ASH1L: variants seen among roughly 807,000 people sequenced by gnomAD.
ASH1L encodes ASH1 like histone lysine methyltransferase.
In ASH1L, 23 loss-of-function variants were observed where a neutral mutation model predicts 269.0. That is an observed-to-expected ratio of 0.09 (90% confidence interval 0.06 to 0.12). ASH1L has a LOEUF of 0.12. Ranked by LOEUF, ASH1L falls within the 10% of genes least tolerant of loss-of-function variation. The pLI is 1.00. For synonymous variants in ASH1L, 1,187 were observed against 1,253.5 expected (o/e 0.95, Z 1.12); for missense variants, 2,912 against 3,567.8 (o/e 0.82, Z 4.68).
At chr1:155,520,679 A>G (rs980432875) in intron 2 of ASH1L, among the ~76,000 whole-genome samples, 12 of 151,846 alleles carry the variant, frequency 7.9e-5, no homozygotes, top group Non-Finnish European at 1.8e-4. Context: ...CCTGGCCAAC[A>G]TGGTGAAACC....
intron 2 of ASH1L, among the ~76,000 whole-genome samples, chr1:155,515,549 C>T (rs944641589): frequency 3.3e-5 from 5 of 151,920 alleles, no homozygotes; most frequent in South Asian, 4.1e-4. Flanking sequence ...GGTCAATGGC[C>T]GGACACAGGG....
At chr1:155,556,777 G>A (rs1272002778) in intron 1 of ASH1L, among the ~76,000 whole-genome samples, 1 of 152,000 alleles carries the variant, frequency 6.6e-6, no homozygotes, top group Non-Finnish European at 1.5e-5. Flanking sequence ...GCCCAGGTGT[G>A]GTAGCTCATG....
intron 20 of ASH1L, among the ~76,000 whole-genome samples, chr1:155,347,004 G>C (rs1040965528): frequency 1.3e-5 from 2 of 152,206 alleles, no homozygotes; most frequent in African/African-American, 4.8e-5. Flanking sequence ...AATTAATAGA[G>C]TGTATTATCA....
At chr1:155,514,162 A>G (rs1391599714) in intron 2 of ASH1L, among the ~76,000 whole-genome samples, 1 of 152,232 alleles carries the variant, frequency 6.6e-6, no homozygotes, top group East Asian at 1.9e-4. Flanking sequence ...TGAAGAGTTA[A>G]TAGAGTGTCA....
Position 155,378,555 on chromosome 1 carries a change from GA to G in ASH1L, c.6178-8del. 6.2e-7 allele frequency: 1 copy of G among 1,605,190 alleles called. No homozygotes were observed. The highest frequency in any genetic ancestry group is 1.1e-5 in the South Asian group (1 of 89,436). The stretch of plus-strand genomic sequence containing the variant: ...CATCTGGCTTTTTGTATAGCTAGAA[GA>G]AAAGAAGAAAAATCTTGATATAGCA... On this transcript the variant is annotated splice_polypyrimidine_tract_variant and splice_region_variant and intron_variant, in intron 8 of 27. Coordinates refer to ENST00000392403, the MANE Select transcript of ASH1L (RefSeq NM_018489.3).
At chr1:155,348,945 C>CACAT (rs1396404437) in intron 19 of ASH1L, among the ~76,000 whole-genome samples, 16 of 147,108 alleles carry the variant, frequency 1.1e-4, no homozygotes, top group African/African-American at 3.8e-4. Flanking sequence ...CACACACACA[C>CACAT]ATATAAACAT....
chr1:155,396,155 T>A (rs1333509440), intron 6 of ASH1L: 2 of 152,070 alleles, frequency 1.3e-5, no homozygotes, highest in African/African-American at 4.8e-5. Flanking sequence ...ATTATTGGTT[T>A]GTTTCCTAAA....
At chr1:155,495,635 A>G (rs1005313452) in intron 2 of ASH1L, among the ~76,000 whole-genome samples, 2 of 152,190 alleles carry the variant, frequency 1.3e-5, no homozygotes, top group South Asian at 4.1e-4. Flanking sequence ...ACTGTACACT[A>G]CTGTTGACTT....
chr1:155,377,866 A>G (rs1656595165), intron 10 of ASH1L, among the ~76,000 whole-genome samples: 1 of 151,642 alleles, frequency 6.6e-6, no homozygotes. Flanking sequence ...CTAAAAATAC[A>G]AAAAAAATTA....
In ASH1L at chr1:155,336,373, A is replaced by C. The variant is rs1228394318; in HGVS notation, c.*1287T>G. 6.6e-6 allele frequency: 1 copy of C among 151,982 alleles called. No homozygotes were observed. The highest frequency in any genetic ancestry group is 2.4e-5 in the African/African-American group (1 of 41,206). The allele number at this position is 151,982 out of a possible 1,614,324, so 9.4% of individuals were successfully genotyped here. A position where few individuals can be genotyped will look rare whatever the true frequency, so the allele number is the denominator to read the frequency against. ...TGTGTATATATATACACACACACATATATATATACACACACATACACACAT... is the reference window on the plus strand; with the variant it reads ...TGTGTATATATATACACACACACATCTATATATACACACACATACACACAT... On this transcript the variant is annotated 3_prime_UTR_variant, in exon 28 of 28. Transcript: ENST00000392403.
rs566651873 is a variant in ASH1L at position 155,377,938 on chromosome 1, G to T, written c.6332+343C>A. On this transcript the variant is annotated intron_variant, in intron 10 of 27. Coordinates refer to ENST00000392403, the MANE Select transcript of ASH1L (RefSeq NM_018489.3). Reference sequence around the variant, plus strand: ...CCAGGGAGGCTGAGGCAGGAGAATGGTGTGAACCCGGGAGGCGGAGCTTGC... The same window carrying T: ...CCAGGGAGGCTGAGGCAGGAGAATGTTGTGAACCCGGGAGGCGGAGCTTGC... Among the ~76,000 whole-genome samples, 16 of 152,046 alleles carry T rather than the reference G, an allele frequency of 1.1e-4. No homozygotes were observed. The East Asian group carries it at 3.1e-3, about 30-fold the overall frequency.
intron 6 of ASH1L, among the ~76,000 whole-genome samples, chr1:155,412,837 A>T (rs1234622465): frequency 6.6e-6 from 1 of 151,364 alleles, no homozygotes; most frequent in African/African-American, 2.4e-5. Flanking sequence ...GCTGCTGCCT[A>T]TTGCTTGGTG....
intron 2 of ASH1L, among the ~76,000 whole-genome samples, chr1:155,518,623 C>T (rs2148834761): frequency 7.8e-6 from 1 of 128,780 alleles, no homozygotes; most frequent in Admixed American, 9.5e-5. Context: ...AATTGTTCAA[C>T]ATCATTAGTT....
At chr1:155,428,442 CAAA>C (rs35203262) in intron 5 of ASH1L, among the ~76,000 whole-genome samples, 1 of 145,822 alleles carries the variant, frequency 6.9e-6, no homozygotes, top group African/African-American at 2.6e-5. Flanking sequence ...AATTCCGTCT[CAAA>C]AAAAAAAATA....
intron 5 of ASH1L, among the ~76,000 whole-genome samples, chr1:155,437,486 A>G (rs569972384): frequency 6.6e-6 from 1 of 152,314 alleles, no homozygotes; most frequent in South Asian, 2.1e-4. Flanking sequence ...ATCCTTGTGC[A>G]TTGTAACTGA....
chr1:155,529,740 T>C (rs770534070), intron 1 of ASH1L, among the ~76,000 whole-genome samples: 11 of 152,250 alleles, frequency 7.2e-5, no homozygotes, highest in African/African-American at 2.6e-4. Flanking sequence ...AACCCTTTCG[T>C]AGGCTTCCTA....
In ASH1L at chr1:155,370,441, C is replaced by T. The variant is rs150816470; in HGVS notation, c.6686+63G>A. 1.9e-6 allele frequency: 3 copies of T among 1,599,590 alleles called. No homozygotes were observed. The East Asian group carries it at 6.7e-5, about 36-fold the overall frequency. ...GCTGACTGACACTGGAAAGATCAAT[C>T]CCTTGCTGCACTCAATGCTTATTCT... On this transcript the variant is annotated intron_variant, in intron 12 of 27. Transcript: ENST00000392403.
At chr1:155,506,501 A>C (rs1667822458) in intron 2 of ASH1L, among the ~76,000 whole-genome samples, 1 of 152,038 alleles carries the variant, frequency 6.6e-6, no homozygotes. Context: ...GTTCAAGATT[A>C]GCCTGGCCAA....
At chr1:155,340,142 T>A (rs943667833) in intron 25 of ASH1L, among the ~76,000 whole-genome samples, 1 of 151,500 alleles carries the variant, frequency 6.6e-6, no homozygotes, top group Non-Finnish European at 1.5e-5. Flanking sequence ...AAAAAAAAAA[T>A]AGGGAAAATA....
Sources: allele counts gnomAD v4.1 joint callset (sites outside exome capture counted in the v4.1 genomes callset), GRCh38; gene constraint gnomAD v4.1.1; transcripts MANE v1.5; gene names NCBI Gene and HGNC (gene_info 2026-07-23, HGNC 2026-07-21).